Variants in BLTP3B observed in about 807,000 individuals in gnomAD.
BLTP3B encodes bridge-like lipid transfer protein family member 3B, also known as UHRF1 (ICBP90) binding protein 1-like.
chr12:100,070,158 T>A, the BLTP3B span: 1 of 1,571,568 alleles, frequency 6.4e-7, no homozygotes, highest in Non-Finnish European at 8.7e-7. Flanking sequence ...TCTCATCTGC[T>A]TAGGAAGGCA....
chr12:100,058,442 A>C, the BLTP3B span: 1 of 1,613,202 alleles, frequency 6.2e-7, no homozygotes, highest in Non-Finnish European at 8.5e-7. Context: ...AAAGCAAAGG[A>C]TCCTTTAAAG....
At chr12:100,043,091 G>A in the BLTP3B span, among the ~76,000 whole-genome samples, 3 of 152,132 alleles carry the variant, frequency 2.0e-5, no homozygotes, top group Admixed American at 1.3e-4. Flanking sequence ...GAGCCACCAC[G>A]CCCAGCCAGC....
chr12:100,111,629 A>G, the BLTP3B span, among the ~76,000 whole-genome samples: 2 of 151,362 alleles, frequency 1.3e-5, no homozygotes, highest in East Asian at 3.9e-4. Flanking sequence ...TTGTTTTGAG[A>G]CAGTCTTGCT....
At chr12:100,118,969 G>A in the BLTP3B span, among the ~76,000 whole-genome samples, 1 of 152,062 alleles carries the variant, frequency 6.6e-6, no homozygotes, top group African/African-American at 2.4e-5. Flanking sequence ...GGGCTTAGTG[G>A]CATGCACCTG....
chr12:100,124,231 T>C, the BLTP3B span, among the ~76,000 whole-genome samples: 1 of 151,286 alleles, frequency 6.6e-6, no homozygotes, highest in East Asian at 1.9e-4. Context: ...GTGTGCACTA[T>C]GATAACACCA....
the BLTP3B span, chr12:100,098,438 A>C: frequency 6.2e-7 from 1 of 1,614,000 alleles, no homozygotes; most frequent in East Asian, 2.2e-5. Context: ...CGAAGCTGAG[A>C]AAGTTCAAAT....
At chr12:100,093,422 T>C in the BLTP3B span, among the ~76,000 whole-genome samples, 1 of 152,174 alleles carries the variant, frequency 6.6e-6, no homozygotes, top group Non-Finnish European at 1.5e-5. Context: ...TATAAAAAAA[T>C]TACTTTAATA....
chr12:100,047,704 T>C, the BLTP3B span: 1 of 1,226,144 alleles, frequency 8.2e-7, no homozygotes, highest in Middle Eastern at 1.9e-4. Flanking sequence ...GAGTTAAAGA[T>C]AACACATGTA....
At chr12:100,103,378 T>C in the BLTP3B span, among the ~76,000 whole-genome samples, 33 of 152,318 alleles carry the variant, frequency 2.2e-4, no homozygotes, top group East Asian at 6.0e-3. Context: ...AGATCTAATG[T>C]CCTTAATCGC....
chr12:100,050,952 G>T, the BLTP3B span: 2 of 1,287,872 alleles, frequency 1.6e-6, no homozygotes, highest in Non-Finnish European at 2.1e-6. Flanking sequence ...AACAAAAGCT[G>T]CAAATTGAAT....
chr12:100,109,539 G>A, the BLTP3B span, among the ~76,000 whole-genome samples: 4 of 152,088 alleles, frequency 2.6e-5, no homozygotes, highest in African/African-American at 2.4e-5. Context: ...TGAGGAGGGC[G>A]GATCACTTGA....
chr12:100,048,869 A>G, the BLTP3B span, among the ~76,000 whole-genome samples: 1 of 151,718 alleles, frequency 6.6e-6, no homozygotes, highest in South Asian at 2.1e-4. Context: ...TAGATGGCCT[A>G]GAGAGGTATA....
the BLTP3B span, chr12:100,059,212 C>T: frequency 6.2e-7 from 1 of 1,614,042 alleles, no homozygotes; most frequent in Non-Finnish European, 8.5e-7. Flanking sequence ...TCCGTGGCAG[C>T]AGAAGTTTTA....
chr12:100,074,420 G>A, the BLTP3B span, among the ~76,000 whole-genome samples: 161 of 152,118 alleles, frequency 1.1e-3, 1 homozygote, highest in African/African-American at 3.5e-3. Flanking sequence ...CCAACATGGC[G>A]AAACCCCATC....
the BLTP3B span, chr12:100,058,189 T>A: frequency 4.3e-6 from 7 of 1,613,282 alleles, no homozygotes; most frequent in Non-Finnish European, 5.9e-6. Flanking sequence ...CTTGAAAGTA[T>A]GTTTTGATTA....
At chr12:100,102,754 GA>G in the BLTP3B span, 1 of 1,528,480 alleles carries the variant, frequency 6.5e-7, no homozygotes, top group Non-Finnish European at 8.9e-7. Flanking sequence ...CAGATTAATG[GA>G]AGTAGCTTAC....
At chr12:100,058,810 G>A in the BLTP3B span, 2 of 1,613,934 alleles carry the variant, frequency 1.2e-6, no homozygotes, top group Non-Finnish European at 1.7e-6. Context: ...AGCAGATACT[G>A]GTAGTGATTA....
At chr12:100,047,632 T>C in the BLTP3B span, 2 of 1,603,826 alleles carry the variant, frequency 1.2e-6, no homozygotes, top group Non-Finnish European at 8.5e-7. Flanking sequence ...CTCCGGGGAC[T>C]ATCATCCTAC....
chr12:100,064,854 C>G, the BLTP3B span, among the ~76,000 whole-genome samples: 1 of 146,538 alleles, frequency 6.8e-6, no homozygotes, highest in Non-Finnish European at 1.5e-5. Flanking sequence ...TTTCAGAGAT[C>G]TATAAAACAA....
Sources: gnomAD v4.1 joint callset for allele counts (sites outside exome capture counted in the v4.1 genomes callset) on GRCh38, gnomAD v4.1.1 for gene constraint, MANE v1.5 for transcripts, NCBI Gene and HGNC (gene_info 2026-07-23, HGNC 2026-07-21) for gene names.